CHRM3: variants seen among roughly 807,000 people sequenced by gnomAD.
CHRM3 encodes the protein cholinergic receptor muscarinic 3, also known as muscarinic acetylcholine receptor M3.
In CHRM3, 11 loss-of-function variants were observed where a neutral mutation model predicts 41.8. The observed-to-expected ratio is 0.26, with a 90% CI of 0.17 to 0.44. CHRM3 has a LOEUF of 0.44. Ranked by LOEUF, CHRM3 falls within the 20% of genes least tolerant of loss-of-function variation. The probability of loss-of-function intolerance (pLI) is 1.00; values close to 1 mark genes in which losing one functional copy is unlikely to be tolerated. For synonymous variants in CHRM3, 297 were observed against 301.4 expected (o/e 0.99, Z 0.15); for missense variants, 571 against 745.4 (o/e 0.77, Z 2.72).
intron 1 of CHRM3, among the ~76,000 whole-genome samples, chr1:239,452,688 G>A (rs1031271140): frequency 6.6e-6 from 1 of 152,174 alleles, no homozygotes; most frequent in Admixed American, 6.5e-5. Context: ...ATTAATATCT[G>A]ACAGTTATAT....
intron 4 of CHRM3, among the ~76,000 whole-genome samples, chr1:239,633,671 G>C (rs2148881554): frequency 6.6e-6 from 1 of 152,278 alleles, no homozygotes; most frequent in East Asian, 1.9e-4. Context: ...CTCTTAGAAT[G>C]TTTTTCTTTG....
chr1:239,400,643 A>C (rs2102975152), intron 1 of CHRM3, among the ~76,000 whole-genome samples: 1 of 152,326 alleles, frequency 6.6e-6, no homozygotes, highest in South Asian at 2.1e-4. Context: ...GTGTGAGATA[A>C]GATCCAATTT....
chr1:239,463,775 C>T (rs1314976732), intron 1 of CHRM3, among the ~76,000 whole-genome samples: 1 of 152,084 alleles, frequency 6.6e-6, no homozygotes, highest in African/African-American at 2.4e-5. Context: ...TGTGATATGG[C>T]AGATGTCTGC....
intron 5 of CHRM3, among the ~76,000 whole-genome samples, chr1:239,817,770 A>G (rs1463773692): frequency 2.6e-5 from 4 of 152,040 alleles, no homozygotes; most frequent in African/African-American, 7.2e-5. Context: ...ACACTCAGGG[A>G]ACTGTGATTC....
In CHRM3 at chr1:239,908,888, A is replaced by G; in HGVS notation, c.1437A>G (p.Lys479=). Residue 479 remains lysine, a synonymous_variant, in exon 7 of 7, where the codon AAA becomes AAG. Coordinates refer to ENST00000676153, the MANE Select transcript of CHRM3 (RefSeq NM_001375978.1). The surrounding 1 kb of genome is among the most constrained non-coding windows in gnomAD (Gnocchi z 7.2). ...LKTRSQITKR[K]RMSLVKEKKA... Reference sequence around the variant, plus strand: ...CCAGAAGTCAGATCACTAAGCGGAAAAGGATGTCCCTGGTCAAGGAGAAGA... The same window carrying G: ...CCAGAAGTCAGATCACTAAGCGGAAGAGGATGTCCCTGGTCAAGGAGAAGA... The G allele has an allele frequency of 6.2e-7, 1 of 1,614,122 alleles. No individual in the cohort carries two copies. Among genetic ancestry groups the G allele is most frequent in the African/African-American group, 1.3e-5 (1 of 75,040 alleles).
chr1:239,783,315 T>A (rs963011358), intron 5 of CHRM3, among the ~76,000 whole-genome samples: 2 of 152,062 alleles, frequency 1.3e-5, no homozygotes, highest in Non-Finnish European at 2.9e-5. Flanking sequence ...GGAAAATTTC[T>A]AAGTTATAAA....
chr1:239,648,988 A>G (rs1672001089), intron 4 of CHRM3, among the ~76,000 whole-genome samples: 1 of 152,104 alleles, frequency 6.6e-6, no homozygotes, highest in African/African-American at 2.4e-5. Context: ...ACACCCATCT[A>G]TATGTGTGTA....
chr1:239,710,545 G>A (rs1572058071), intron 5 of CHRM3, among the ~76,000 whole-genome samples: 1 of 152,058 alleles, frequency 6.6e-6, no homozygotes, highest in East Asian at 1.9e-4. Context: ...GAGGGTATGA[G>A]GAGATGAGGA....
At chr1:239,651,602 G>A (rs1672243075) in intron 4 of CHRM3, among the ~76,000 whole-genome samples, 1 of 152,154 alleles carries the variant, frequency 6.6e-6, no homozygotes, top group Admixed American at 6.5e-5. Flanking sequence ...CCAGTGAGTT[G>A]CATGCCTACC....
chr1:239,663,303 T>G (rs1673448277), intron 4 of CHRM3, among the ~76,000 whole-genome samples: 1 of 152,164 alleles, frequency 6.6e-6, no homozygotes, highest in African/African-American at 2.4e-5. Flanking sequence ...CTCAGGTAAC[T>G]CAAAAGAGTT....
chr1:239,419,362 CTTTTT>C (rs55633677), intron 1 of CHRM3, among the ~76,000 whole-genome samples: 2 of 136,564 alleles, frequency 1.5e-5, no homozygotes, highest in Admixed American at 7.3e-5. Flanking sequence ...CCGACCCAGC[CTTTTT>C]TTTTTTTTTT....
At position 239,387,196 on chromosome 1, in the gene CHRM3, CG is replaced by C. The variant is rs1315323302; in HGVS notation, c.-551del. 2 of 152,116 alleles carry C rather than the reference CG, an allele frequency of 1.3e-5. No homozygotes were observed. Among genetic ancestry groups the C allele is most frequent in the Non-Finnish European group, 2.9e-5 (2 of 68,062 alleles). The allele number at this position is 152,116 out of a possible 1,614,324, so 9.4% of individuals were successfully genotyped here. On this transcript the variant is annotated 5_prime_UTR_variant, in exon 1 of 7. Transcript: ENST00000676153. The surrounding 1 kb of genome is among the most constrained non-coding windows in gnomAD (Gnocchi z 5.1). Reference sequence around the variant, plus strand: ...CGCACCGGGCAGGCGCGGAGACCGGCGTGGGACAGCCACCTGGAGCGCAGCT... The same window carrying C: ...CGCACCGGGCAGGCGCGGAGACCGGCTGGGACAGCCACCTGGAGCGCAGCT...
At chr1:239,894,698 G>T (rs890860483) in intron 6 of CHRM3, among the ~76,000 whole-genome samples, 1 of 151,996 alleles carries the variant, frequency 6.6e-6, no homozygotes, top group Non-Finnish European at 1.5e-5. Context: ...CTCCCAAAGT[G>T]GTGGTATTAC....
At chr1:239,491,788 T>G (rs1667572658) in intron 1 of CHRM3, among the ~76,000 whole-genome samples, 1 of 152,192 alleles carries the variant, frequency 6.6e-6, no homozygotes, top group Admixed American at 6.5e-5. Context: ...GCTGTAATAA[T>G]TTACATTCCA....
chr1:239,571,854 C>G (rs1009866680), intron 3 of CHRM3, among the ~76,000 whole-genome samples: 4 of 152,126 alleles, frequency 2.6e-5, no homozygotes, highest in Non-Finnish European at 4.4e-5. Flanking sequence ...TGGGCATTTT[C>G]TTTTCTTTTT....
chr1:239,560,994 A>G (rs1203519287), intron 3 of CHRM3, among the ~76,000 whole-genome samples: 3 of 151,946 alleles, frequency 2.0e-5, no homozygotes, highest in Non-Finnish European at 4.4e-5. Context: ...CATTCCCCAC[A>G]TTCAGTTCCT....
chr1:239,773,812 T>G (rs1237018768), intron 5 of CHRM3, among the ~76,000 whole-genome samples: 1 of 152,158 alleles, frequency 6.6e-6, no homozygotes, highest in African/African-American at 2.4e-5. Flanking sequence ...GGAATCTGCA[T>G]GTTACCTCAA....
At chr1:239,808,740 C>T (rs528811441) in intron 5 of CHRM3, among the ~76,000 whole-genome samples, 4 of 152,260 alleles carry the variant, frequency 2.6e-5, no homozygotes, top group African/African-American at 9.6e-5. Flanking sequence ...CTCCAAAGAA[C>T]TGCCCCAATA....
At chr1:239,776,872 C>T (rs1312631375) in intron 5 of CHRM3, among the ~76,000 whole-genome samples, 2 of 152,212 alleles carry the variant, frequency 1.3e-5, no homozygotes, top group East Asian at 1.9e-4. Context: ...GGAAAAGCCC[C>T]TCATGAAACC....
Sources: gnomAD v4.1 joint callset for allele counts (sites outside exome capture counted in the v4.1 genomes callset) on GRCh38, gnomAD v4.1.1 for gene constraint, Gnocchi (gnomAD v3.1) non-coding constraint, MANE v1.5 for transcripts, NCBI Gene and HGNC (gene_info 2026-07-23, HGNC 2026-07-21) for gene names.